The following QTMAN variants were observed in gnomAD, a reference collection of about 807,000 sequenced individuals.
QTMAN encodes the protein tRNA-queuosine alpha-mannosyltransferase.
chr2:143,997,487 GCT>G, the QTMAN span, among the ~76,000 whole-genome samples: 1 of 152,178 alleles, frequency 6.6e-6, no homozygotes, highest in South Asian at 2.1e-4. Context: ...ATGTCTCTCA[GCT>G]CTGATGGGCT....
At chr2:144,017,019 T>A in the QTMAN span, among the ~76,000 whole-genome samples, 3 of 152,208 alleles carry the variant, frequency 2.0e-5, no homozygotes, top group African/African-American at 4.8e-5. Flanking sequence ...TACTTTTTTT[T>A]TTTTGAGACA....
the QTMAN span, among the ~76,000 whole-genome samples, chr2:144,149,072 T>C: frequency 6.6e-6 from 1 of 152,058 alleles, no homozygotes. Context: ...CAATTTTTAC[T>C]CTGCTCCCTA....
the QTMAN span, among the ~76,000 whole-genome samples, chr2:144,148,718 C>T: frequency 6.6e-6 from 1 of 151,712 alleles, no homozygotes; most frequent in East Asian, 1.9e-4. Flanking sequence ...GAATTCAACC[C>T]TAAAGTTCAG....
At chr2:144,155,861 T>C in the QTMAN span, among the ~76,000 whole-genome samples, 1 of 151,450 alleles carries the variant, frequency 6.6e-6, no homozygotes, top group Non-Finnish European at 1.5e-5. Flanking sequence ...ATAACAATAA[T>C]AATATCTGCT....
the QTMAN span, among the ~76,000 whole-genome samples, chr2:144,118,011 A>G: frequency 6.6e-6 from 1 of 152,010 alleles, no homozygotes; most frequent in Admixed American, 6.6e-5. Context: ...ACGCCCGGCT[A>G]ATTTTTTTGT....
At chr2:144,056,501 C>A in the QTMAN span, among the ~76,000 whole-genome samples, 1 of 152,232 alleles carries the variant, frequency 6.6e-6, no homozygotes, top group East Asian at 1.9e-4. Flanking sequence ...TGTTTGTCAT[C>A]TGTCTTTCCT....
chr2:144,045,319 T>C, the QTMAN span, among the ~76,000 whole-genome samples: 2 of 152,220 alleles, frequency 1.3e-5, no homozygotes, highest in Admixed American at 1.3e-4. Context: ...TCAAATTACC[T>C]ACATTTAACC....
the QTMAN span, among the ~76,000 whole-genome samples, chr2:144,071,148 CAT>C: frequency 6.7e-6 from 1 of 149,808 alleles, no homozygotes; most frequent in Non-Finnish European, 1.5e-5. Flanking sequence ...GTTAAAAGGA[CAT>C]AAAATGCTTT....
At chr2:143,957,153 T>A in the QTMAN span, 1 of 1,501,142 alleles carries the variant, frequency 6.7e-7, no homozygotes, top group Non-Finnish European at 9.0e-7. Flanking sequence ...TAAAACTGAT[T>A]AGAGATTGCT....
chr2:144,056,925 A>G, the QTMAN span, among the ~76,000 whole-genome samples: 22 of 152,256 alleles, frequency 1.4e-4, no homozygotes, highest in African/African-American at 4.6e-4. Context: ...ACATTTTGCG[A>G]TAGCAAAACT....
the QTMAN span, among the ~76,000 whole-genome samples, chr2:144,066,498 A>G: frequency 6.6e-6 from 1 of 152,308 alleles, no homozygotes; most frequent in South Asian, 2.1e-4. Context: ...GGGAATTCTG[A>G]GTCCATCTAG....
the QTMAN span, among the ~76,000 whole-genome samples, chr2:143,964,806 G>GAA: frequency 6.6e-6 from 1 of 152,058 alleles, no homozygotes. Flanking sequence ...AATTAAAGGT[G>GAA]AAACAGAAAG....
At chr2:144,300,743 A>G in the QTMAN span, among the ~76,000 whole-genome samples, 1 of 151,938 alleles carries the variant, frequency 6.6e-6, no homozygotes, top group Admixed American at 6.5e-5. Context: ...GTCAAGGTCT[A>G]CTAAGGGAAG....
At chr2:144,278,312 A>AAGT in the QTMAN span, among the ~76,000 whole-genome samples, 5 of 152,140 alleles carry the variant, frequency 3.3e-5, no homozygotes, top group Non-Finnish European at 7.4e-5. Context: ...TCTTGCAAGT[A>AAGT]AGTTACTTAG....
At chr2:144,212,519 T>C in the QTMAN span, among the ~76,000 whole-genome samples, 2 of 152,036 alleles carry the variant, frequency 1.3e-5, no homozygotes, top group Non-Finnish European at 2.9e-5. Context: ...ATTAGGGATG[T>C]GGCACTTTAA....
chr2:144,297,571 T>G, the QTMAN span, among the ~76,000 whole-genome samples: 1 of 150,394 alleles, frequency 6.6e-6, no homozygotes, highest in Non-Finnish European at 1.5e-5. Flanking sequence ...GGGAGCAGGA[T>G]TCCGTCTTTT....
the QTMAN span, among the ~76,000 whole-genome samples, chr2:144,285,712 T>C: frequency 6.6e-6 from 1 of 152,230 alleles, no homozygotes; most frequent in Non-Finnish European, 1.5e-5. Flanking sequence ...ACATTAATCA[T>C]AGGAAAATAT....
At chr2:144,000,236 T>C in the QTMAN span, among the ~76,000 whole-genome samples, 8 of 152,054 alleles carry the variant, frequency 5.3e-5, no homozygotes, top group Non-Finnish European at 8.8e-5. Context: ...GTAAGTCATA[T>C]AGCACATGGT....
At chr2:144,206,881 A>G in the QTMAN span, among the ~76,000 whole-genome samples, 5 of 152,250 alleles carry the variant, frequency 3.3e-5, no homozygotes, top group African/African-American at 1.2e-4. Flanking sequence ...GGCTCATTTT[A>G]ATGTTCAAAT....
Sources: allele counts gnomAD v4.1 joint callset (sites outside exome capture counted in the v4.1 genomes callset), GRCh38; gene constraint gnomAD v4.1.1; transcripts MANE v1.5; gene names NCBI Gene and HGNC (gene_info 2026-07-23, HGNC 2026-07-21).